Variants in MAGI2 observed in about 807,000 individuals in gnomAD.
MAGI2 encodes the protein membrane associated guanylate kinase, WW and PDZ domain containing 2.
A neutral mutation model predicts 133.3 loss-of-function variants in MAGI2; 35 were observed. The ratio of observed to expected loss-of-function variants is 0.26; its 90% confidence interval spans 0.20 to 0.35. MAGI2 has a LOEUF of 0.35. Among genes scored for constraint, MAGI2 ranks in the 10% least tolerant of loss-of-function variants. The pLI, the probability that MAGI2 is intolerant of heterozygous loss-of-function variation, is 1.00. For missense variants in MAGI2, 1,636 were observed against 1,863.4 expected, an observed-to-expected ratio of 0.88 and a Z score of 2.25; for synonymous variants, 729 against 710.6, an observed-to-expected ratio of 1.03 and a Z score of -0.41.
intron 7 of MAGI2, among the ~76,000 whole-genome samples, chr7:78,365,579 T>C (rs568602842): frequency 4.2e-4 from 64 of 152,314 alleles, no homozygotes; most frequent in Admixed American, 7.2e-4. Flanking sequence ...GAGAGAATTA[T>C]AAATGTGATA....
At chr7:78,673,253 GAACC>G (rs1246550746) in intron 2 of MAGI2, among the ~76,000 whole-genome samples, 6 of 151,766 alleles carry the variant, frequency 4.0e-5, no homozygotes, top group Non-Finnish European at 1.5e-5. Flanking sequence ...CAGAGAAATA[GAACC>G]AATAGAATAT....
intron 10 of MAGI2, chr7:78,252,995 C>T (rs1389219584): frequency 6.6e-6 from 1 of 150,730 alleles, no homozygotes; most frequent in African/African-American, 2.4e-5. Flanking sequence ...GTACAACAGC[C>T]ATTTTAGAAA....
chr7:78,307,970 T>A (rs1431404596), intron 9 of MAGI2, among the ~76,000 whole-genome samples: 1 of 151,914 alleles, frequency 6.6e-6, no homozygotes, highest in Non-Finnish European at 1.5e-5. Context: ...TCAAATGGGG[T>A]CAGATTTTGA....
chr7:78,521,842 G>A lies in MAGI2; in HGVS notation c.539-197C>T, dbSNP rs566041465. Reference sequence around the variant, plus strand: ...CATATTTATTTGTTCCTTCTGTTGCGTTGGACTTTAATGCTTAGAGATATA... The same window carrying A: ...CATATTTATTTGTTCCTTCTGTTGCATTGGACTTTAATGCTTAGAGATATA... On this transcript the variant is annotated intron_variant, in intron 3 of 21. Coordinates refer to ENST00000354212, the MANE Select transcript of MAGI2 (RefSeq NM_012301.4). 6.8e-4 allele frequency among the ~76,000 whole-genome samples: 104 copies of A among 151,864 alleles called. 1 individual carries two copies. Among genetic ancestry groups the A allele is most frequent in the African/African-American group, 2.3e-3 (96 of 41,410 alleles).
At chr7:79,227,055 A>T (rs187216536) in intron 1 of MAGI2, among the ~76,000 whole-genome samples, 1 of 152,312 alleles carries the variant, frequency 6.6e-6, no homozygotes, top group African/African-American at 2.4e-5. Flanking sequence ...TTGCACTTAA[A>T]CAGTCAATAT....
chr7:79,022,569 C>T lies in MAGI2; in HGVS notation c.302-15363G>A, dbSNP rs143677918. 5.7e-4 allele frequency among the ~76,000 whole-genome samples: 81 copies of T among 142,672 alleles called. 1 individual carries two copies. In the East Asian group the frequency reaches 0.017, roughly 31 times the overall value. 93.6% of individuals were successfully genotyped at this position (142,672 alleles called of 152,430 possible). Reference sequence around the variant, plus strand: ...AATTGAGACACAAAACCCTACAAAACATAAACCTTCTTTGAAAGAATTAAT... The same window carrying T: ...AATTGAGACACAAAACCCTACAAAATATAAACCTTCTTTGAAAGAATTAAT... On this transcript the variant is annotated intron_variant, in intron 1 of 21. Coordinates refer to ENST00000354212, the MANE Select transcript of MAGI2 (RefSeq NM_012301.4).
chr7:79,255,409 G>A (rs535270130), intron 1 of MAGI2, among the ~76,000 whole-genome samples: 1 of 152,204 alleles, frequency 6.6e-6, no homozygotes, highest in South Asian at 2.1e-4. Context: ...GGTATTGTAA[G>A]GTAATGCAAG....
At chr7:78,687,919 G>A (rs550562741) in intron 2 of MAGI2, among the ~76,000 whole-genome samples, 1 of 136,716 alleles carries the variant, frequency 7.3e-6, no homozygotes, top group African/African-American at 2.7e-5. Context: ...GCGGTGAGCC[G>A]AGACTGGGCC....
rs141605139 is a variant in MAGI2 at position 78,742,766 on chromosome 7, T to C, written c.419-115527A>G. 7.3e-3 allele frequency among the ~76,000 whole-genome samples: 1,113 copies of C among 152,280 alleles called. 8 individuals are homozygous for C. Among genetic ancestry groups the C allele is most frequent in the African/African-American group, 0.025 (1,045 of 41,544 alleles). On this transcript the variant is annotated intron_variant, in intron 2 of 21. Coordinates refer to ENST00000354212, the MANE Select transcript of MAGI2 (RefSeq NM_012301.4). ...TTGTAGCTTGCTTGTGACCAATAGA[T>C]AGTGACTCAACTGATGCAGTGTGAC...
At chr7:78,366,562 G>T (rs1349717238) in intron 7 of MAGI2, among the ~76,000 whole-genome samples, 1 of 152,060 alleles carries the variant, frequency 6.6e-6, no homozygotes, top group Admixed American at 6.6e-5. Context: ...ATGAGATACA[G>T]AATTAAAACA....
At chr7:78,266,269 C>G (rs960997614) in intron 9 of MAGI2, among the ~76,000 whole-genome samples, 1 of 152,132 alleles carries the variant, frequency 6.6e-6, no homozygotes, top group Non-Finnish European at 1.5e-5. Context: ...GGCACTATCC[C>G]GGCTCACTGC....
intron 2 of MAGI2, among the ~76,000 whole-genome samples, chr7:78,799,944 A>G (rs182151946): frequency 1.9e-4 from 29 of 152,308 alleles, no homozygotes; most frequent in African/African-American, 6.5e-4. Flanking sequence ...TTTTGGGCAG[A>G]AAGATTTTAT....
intron 1 of MAGI2, among the ~76,000 whole-genome samples, chr7:79,387,909 G>C (rs569739089): frequency 2.0e-5 from 3 of 151,920 alleles, no homozygotes; most frequent in Non-Finnish European, 4.4e-5. Context: ...TAAACGACCT[G>C]ATTTAAAACT....
chr7:78,862,433 A>G (rs2151503517), intron 2 of MAGI2, among the ~76,000 whole-genome samples: 1 of 152,324 alleles, frequency 6.6e-6, no homozygotes, highest in Non-Finnish European at 1.5e-5. Flanking sequence ...TTTTGGTTAT[A>G]CATTCCCTGT....
chr7:79,227,603 TATA>T (rs1830968173), intron 1 of MAGI2, among the ~76,000 whole-genome samples: 5 of 152,326 alleles, frequency 3.3e-5, no homozygotes, highest in African/African-American at 7.2e-5. Flanking sequence ...AGCATATAAA[TATA>T]ATGTCACTTC....
chr7:78,926,804 A>T (rs543195081), intron 2 of MAGI2, among the ~76,000 whole-genome samples: 25 of 152,026 alleles, frequency 1.6e-4, no homozygotes, highest in Admixed American at 7.2e-4. Context: ...GTGTAGGAGA[A>T]ATCTTTGTGT....
At chr7:78,916,989 A>G (rs1009159633) in intron 2 of MAGI2, among the ~76,000 whole-genome samples, 2 of 152,124 alleles carry the variant, frequency 1.3e-5, no homozygotes, top group Non-Finnish European at 2.9e-5. Context: ...ATCCTGGCTC[A>G]AGATTTGGTG....
chr7:78,657,682 T>G (rs189101085), intron 2 of MAGI2, among the ~76,000 whole-genome samples: 20 of 152,326 alleles, frequency 1.3e-4, no homozygotes, highest in Admixed American at 9.1e-4. Context: ...AGGCAGAGCA[T>G]ATGTGATTTT....
intron 21 of MAGI2, among the ~76,000 whole-genome samples, chr7:78,055,652 C>T (rs527521501): frequency 6.6e-6 from 1 of 152,250 alleles, no homozygotes; most frequent in Admixed American, 6.5e-5. Context: ...CTGGTAGAGT[C>T]CTCCTTCCAA....
Sources: allele counts gnomAD v4.1 joint callset (sites outside exome capture counted in the v4.1 genomes callset), GRCh38; gene constraint gnomAD v4.1.1; transcripts MANE v1.5; gene names NCBI Gene and HGNC (gene_info 2026-07-23, HGNC 2026-07-21).